IL12RB1: variants seen among roughly 807,000 people sequenced by gnomAD.
The protein encoded by IL12RB1 is interleukin-12 receptor subunit beta-1.
IL12RB1 carries 64 observed loss-of-function variants against 94.4 expected under a neutral mutation model. The observed-to-expected ratio is 0.68, with a 90% CI of 0.55 to 0.83. The LOEUF (loss-of-function observed/expected upper bound fraction) is 0.83. IL12RB1 is among the 40% of genes least tolerant of loss of function. IL12RB1 has a pLI of 0.00. For missense variants in IL12RB1, 814 were observed against 855.6 expected (o/e 0.95, Z 0.61); for synonymous variants, 362 against 355.5 (o/e 1.02, Z -0.21).
At chr19:18,074,909 G>C (rs917418712) in intron 7 of IL12RB1, among the ~76,000 whole-genome samples, 6 of 151,800 alleles carry the variant, frequency 4.0e-5, no homozygotes, top group Admixed American at 3.3e-4. Context: ...AAAATTAACC[G>C]GGCGTGGTTG....
intron 1 of IL12RB1, among the ~76,000 whole-genome samples, chr19:18,085,722 AC>A (rs2036281812): frequency 6.6e-6 from 1 of 151,744 alleles, no homozygotes; most frequent in Non-Finnish European, 1.5e-5. Flanking sequence ...CGATCCTCCC[AC>A]CTCAGCTCCT....
chr19:18,063,167 C>G (rs930708035), intron 13 of IL12RB1, among the ~76,000 whole-genome samples: 4 of 138,830 alleles, frequency 2.9e-5, no homozygotes, highest in African/African-American at 1.1e-4. Context: ...GCAGTCACGG[C>G]TCACTGCAAC....
chr19:18,095,976 C>G (rs925779080), intron 1 of IL12RB1, among the ~76,000 whole-genome samples: 1 of 152,132 alleles, frequency 6.6e-6, no homozygotes, highest in East Asian at 1.9e-4. Context: ...GTAGTCCCAG[C>G]GCTTTGGGAG....
At chr19:18,078,584 A>C (rs12609078) in intron 4 of IL12RB1, among the ~76,000 whole-genome samples, 15,543 of 151,446 alleles carry the variant, frequency 0.1, 950 homozygotes, top group East Asian at 0.28. Flanking sequence ...CTGGTAAGCA[A>C]TTTACAAAAG....
At chr19:18,073,268 C>A (rs947172667) in intron 8 of IL12RB1, among the ~76,000 whole-genome samples, 1 of 152,146 alleles carries the variant, frequency 6.6e-6, no homozygotes, top group African/African-American at 2.4e-5. Flanking sequence ...GCAATTCCCC[C>A]ACACTCTGTT....
At chr19:18,097,208 C>T (rs953872569) in intron 1 of IL12RB1, among the ~76,000 whole-genome samples, 2 of 152,138 alleles carry the variant, frequency 1.3e-5, no homozygotes, top group South Asian at 2.1e-4. Context: ...GACAGAGTCT[C>T]GCTCTGTCGC....
In IL12RB1 at chr19:18,066,673, T is replaced by A. The variant is rs1238881857; in HGVS notation, c.1352A>T (p.His451Leu). The A allele has an allele frequency of 2.5e-6, 4 of 1,607,314 alleles. No homozygotes were observed. The highest frequency in any genetic ancestry group is 3.4e-6 in the Non-Finnish European group (4 of 1,175,018). Residue 451 changes from histidine (H) to leucine (L), a missense_variant, in exon 12 of 17, where the codon CAC becomes CTC. Physicochemically the swap from His to Leu is moderately conservative, Grantham distance 99 (BLOSUM62 -3). Coordinates refer to ENST00000593993, the MANE Select transcript of IL12RB1 (RefSeq NM_005535.3). ...GNASAAGTPH[H>L]VSVKNHSLDS... ...CAAGCTATGATTCTTCACCGAGACG[T>A]GGTGCGGTGTCCCAGCTGCTGAGGC...
rs2146216439 is a variant in IL12RB1, at chr19:18,069,713, T to A, written c.1022A>T (p.Glu341Val). The change falls in exon 10 of 17, where the codon GAA becomes GTA. Residue 341 changes from glutamate to valine, a missense_variant and splice_region_variant. Physicochemically the swap from Glu to Val is moderately radical, Grantham distance 121. Coordinates refer to ENST00000593993, the MANE Select transcript of IL12RB1 (RefSeq NM_005535.3). ...GACGCTGATATTCAGAGCCACTGGT[T>A]CTGGAAGGAGAGGGGAGAGACGCAT... is the stretch of plus-strand genomic sequence containing the variant. Reference protein sequence around the residue: ...TWHIPADTHTEPVALNISVGT... With the variant: ...TWHIPADTHTVPVALNISVGT... The A allele has an allele frequency of 6.2e-7, 1 of 1,609,570 alleles. No individual in the cohort carries two copies. Among genetic ancestry groups the A allele is most frequent in the Non-Finnish European group, 8.5e-7 (1 of 1,176,706 alleles).
At position 18,066,674 on chromosome 19, in the gene IL12RB1, G is replaced by C; in HGVS notation, c.1351C>G (p.His451Asp). 6.2e-7 allele frequency: 1 copy of C among 1,609,482 alleles called. No individual in the cohort carries two copies. The highest frequency in any genetic ancestry group is 8.5e-7 in the Non-Finnish European group (1 of 1,176,606). Residue 451 changes from histidine to aspartate, a missense_variant, in exon 12 of 17, where the codon CAC becomes GAC. His to Asp is a moderately conservative substitution (Grantham distance 81). Transcript: ENST00000593993. ...AAGCTATGATTCTTCACCGAGACGT[G>C]GTGCGGTGTCCCAGCTGCTGAGGCT... ...GNASAAGTPH[H>D]VSVKNHSLDS... is the part of the protein sequence containing the mutation.
intron 4 of IL12RB1, among the ~76,000 whole-genome samples, chr19:18,078,522 G>T (rs552277687): frequency 1.3e-5 from 2 of 152,062 alleles, no homozygotes; most frequent in African/African-American, 4.8e-5. Flanking sequence ...TGCTGGCAAG[G>T]CTGTGAAGAG....
At position 18,059,989 on chromosome 19, in the gene IL12RB1, C is replaced by T; in HGVS notation, c.1888G>A (p.Glu630Lys). The change falls in exon 16 of 17, where the codon GAG (glutamate) becomes AAG (lysine). Residue 630 changes from glutamate to lysine, a missense_variant. Coordinates refer to ENST00000593993, the MANE Select transcript of IL12RB1 (RefSeq NM_005535.3). ...GGTAGCTCTGTCTTCTCGAGAGGCTCAGTCCTCTCGCCTTTGTCCCAGGAC... is the reference window on the plus strand; with the variant it reads ...GGTAGCTCTGTCTTCTCGAGAGGCTTAGTCCTCTCGCCTTTGTCCCAGGAC... ...EMSWDKGERT[E>K]PLEKTELPEG... 1 of 1,594,000 alleles carries T rather than the reference C, an allele frequency of 6.3e-7. No individual in the cohort carries two copies. Among genetic ancestry groups the T allele is most frequent in the Non-Finnish European group, 8.6e-7 (1 of 1,164,876 alleles).
intron 1 of IL12RB1, among the ~76,000 whole-genome samples, chr19:18,085,889 G>T (rs2036294497): frequency 6.6e-6 from 1 of 151,952 alleles, no homozygotes; most frequent in African/African-American, 2.4e-5. Context: ...ATTTTCAGGA[G>T]TGAGTCACCG....
intron 1 of IL12RB1, among the ~76,000 whole-genome samples, chr19:18,095,572 G>A (rs968250570): frequency 6.6e-6 from 1 of 152,178 alleles, no homozygotes; most frequent in Non-Finnish European, 1.5e-5. Flanking sequence ...TTTTGGGGAT[G>A]ATACAAATGT....
rs141968777 is a variant in IL12RB1 at position 18,063,910 on chromosome 19, C to T, written c.1584G>A (p.Arg528=). 6,750 of 1,613,508 alleles carry T rather than the reference C, an allele frequency of 4.2e-3. 32 individuals are homozygous for T. Among genetic ancestry groups the T allele is most frequent in the South Asian group, 0.013 (1,171 of 91,000 alleles). ...VQVRADTAWL[R]GVWSQPQRFS... ...AGCGCTGGGGCTGGCTCCAGACACC[C>T]CTCAGCCACGCTGTGTCTGCTCGCA... is the stretch of plus-strand genomic sequence containing the variant. The change falls in exon 13 of 17, where the codon AGG becomes AGA. Residue 528 remains arginine (R), a synonymous_variant. Coordinates refer to ENST00000593993, the MANE Select transcript of IL12RB1 (RefSeq NM_005535.3).
In IL12RB1 at chr19:18,077,381, GA is replaced by G. The variant is rs1568508959; in HGVS notation, c.549+134del. On this transcript the variant is annotated intron_variant, in intron 5 of 16. Coordinates refer to ENST00000593993, the MANE Select transcript of IL12RB1 (RefSeq NM_005535.3). ...CGTCTCAGAAAAAAAAAAAGAAAAA[GA>G]AAAAAACCACCTCAGGGGCTAGAGT... 7 of 716,052 alleles carry G rather than the reference GA, an allele frequency of 9.8e-6. 1 individual carries two copies. Among genetic ancestry groups the G allele is most frequent in the Non-Finnish European group, 1.2e-5 (5 of 413,100 alleles). The allele number at this position is 716,052 out of a possible 1,614,324, so 44.4% of individuals were successfully genotyped here.
upstream of IL12RB1, among the ~76,000 whole-genome samples, chr19:18,088,617 T>G (rs2036490320): frequency 6.6e-6 from 1 of 151,340 alleles, no homozygotes; most frequent in African/African-American, 2.4e-5. Context: ...TTCCCCCATG[T>G]TCCATTTCTT....
chr19:18,084,402 TAATCCATC>T (rs1568522258), intron 1 of IL12RB1, among the ~76,000 whole-genome samples: 1 of 126,304 alleles, frequency 7.9e-6, no homozygotes, highest in Admixed American at 7.6e-5. Flanking sequence ...ATCCATGTAT[TAATCCATC>T]CATCCATCCA....
At chr19:18,062,422 C>T in intron 13 of IL12RB1, 145 bp from the exon 14 acceptor site, 1 of 575,602 alleles carries the variant, frequency 1.7e-6, no homozygotes, top group Admixed American at 3.0e-5. Flanking sequence ...CCACAGAACC[C>T]ACCTGCCCGG....
At chr19:18,060,472 C>G (rs2034041668) in intron 15 of IL12RB1, among the ~76,000 whole-genome samples, 1 of 152,112 alleles carries the variant, frequency 6.6e-6, no homozygotes, top group Non-Finnish European at 1.5e-5. Context: ...GAGCGAGACT[C>G]CATATATCCT....
Sources: gnomAD v4.1 joint callset for allele counts (sites outside exome capture counted in the v4.1 genomes callset) on GRCh38, gnomAD v4.1.1 for gene constraint, MANE v1.5 for transcripts, NCBI Gene and HGNC (gene_info 2026-07-23, HGNC 2026-07-21) for gene names.